Variants in DOCK11 observed in about 807,000 individuals in gnomAD.
DOCK11 encodes the protein dedicator of cytokinesis protein 11.
A neutral mutation model predicts 169.1 loss-of-function variants in DOCK11; 70 were observed. The ratio of observed to expected loss-of-function variants is 0.41; its 90% CI spans 0.34 to 0.51. The LOEUF (loss-of-function observed/expected upper bound fraction) is 0.51. Among genes scored for constraint, DOCK11 ranks in the 20% least tolerant of loss-of-function variants. The pLI is 0.10. For missense variants in DOCK11, 1,166 were observed against 1,538.8 expected, an observed-to-expected ratio of 0.76 and a Z score of 4.05; for synonymous variants, 529 against 541.3, an observed-to-expected ratio of 0.98 and a Z score of 0.32.
intron 10 of DOCK11, among the ~76,000 whole-genome samples, chrX:118,568,414 A>G (rs1603072756): frequency 3.2e-5 from 1 of 31,663 alleles, no homozygotes; most frequent in Non-Finnish European, 5.8e-5. Flanking sequence ...ATATATATAT[A>G]TATATATATA....
intron 40 of DOCK11, among the ~76,000 whole-genome samples, chrX:118,647,803 A>ATAATAATATATAATATATT (rs1326965493): frequency 1.6e-4 from 7 of 44,180 alleles, no homozygotes; most frequent in South Asian, 1.3e-3. Flanking sequence ...TATAATATAT[A>ATAATAATATATAATATATT]ATAATATATA....
rs747351180 is a variant in DOCK11 at position 118,585,100 on chromosome X, T to C, written c.1778T>C (p.Val593Ala). The change falls in exon 16 of 53, where the codon GTT becomes GCT. Residue 593 changes from valine (V) to alanine (A), a missense_variant. Val to Ala is a moderately conservative substitution (Grantham distance 64). Coordinates refer to ENST00000276202, the MANE Select transcript of DOCK11 (RefSeq NM_144658.4). ...CAGCTAAACATCACAGTAGAATGTG[T>C]TCCTGTGGATTTATCAAGTAAGAAC... is the stretch of plus-strand genomic sequence containing the variant. ...PGQLNITVECVPVDLSNCITS... is the reference protein window; with the variant it reads ...PGQLNITVECAPVDLSNCITS... 4.1e-6 allele frequency: 5 copies of C among 1,205,692 alleles called. No individual in the cohort carries two copies. In the East Asian group the frequency reaches 1.5e-4, roughly 36 times the overall value.
At chrX:118,626,887 C>A (rs896959314) in intron 32 of DOCK11, among the ~76,000 whole-genome samples, 1 of 112,461 alleles carries the variant, frequency 8.9e-6, no homozygotes, top group Non-Finnish European at 1.9e-5. Context: ...TGGTCACACA[C>A]CTTCTTCTAG....
intron 6 of DOCK11, among the ~76,000 whole-genome samples, chrX:118,558,164 G>A (rs1156235574): frequency 9.2e-6 from 1 of 109,174 alleles, no homozygotes. Context: ...ATAGAGACAC[G>A]GTTTCACCAT....
Position 118,507,070 on chromosome X carries a change from C to A in DOCK11, c.102+10997C>A, listed in dbSNP as rs1239954650. 5.3e-5 allele frequency among the ~76,000 whole-genome samples: 6 copies of A among 112,388 alleles called. No individual in the cohort carries two copies. In the Admixed American group the frequency reaches 5.7e-4, roughly 11 times the overall value. On this transcript the variant is annotated intron_variant, in intron 1 of 52. Transcript: ENST00000276202. ...TAAATTTGCTATTAATGATTTCCTG[C>A]GATTCTTCTCCACTTTTATTGCCTA...
Position 118,495,985 on chromosome X carries a change from G to C in DOCK11, c.14G>C (p.Arg5Pro), listed in dbSNP as rs758919257. 9.2e-7 allele frequency: 1 copy of C among 1,086,622 alleles called. No homozygotes were observed. Among genetic ancestry groups the C allele is most frequent in the African/African-American group, 1.9e-5 (1 of 51,380 alleles). 89.5% of individuals were successfully genotyped at this position (1,086,622 alleles called of 1,213,427 possible). A position where few individuals can be genotyped will look rare whatever the true frequency, so the allele number is the denominator to read the frequency against. The change falls in exon 1 of 53, where the codon CGC becomes CCC. Residue 5 changes from arginine (R) to proline (P), a missense_variant. Physicochemically the swap from Arg to Pro is moderately radical, Grantham distance 103. Transcript: ENST00000276202. The stretch of plus-strand genomic sequence containing the variant: ...GCCGCCGCTGCCATGGCCGAAGTGC[G>C]CAAATTCACCAAACGGCTCAGCAAG... MAEV[R>P]KFTKRLSKPG...
chrX:118,576,585 A>C (rs750732883), intron 12 of DOCK11, among the ~76,000 whole-genome samples: 1 of 112,103 alleles, frequency 8.9e-6, no homozygotes, highest in Non-Finnish European at 1.9e-5. Context: ...GTGGGGAGGC[A>C]CAAATAAGGT....
chrX:118,528,478 T>C (rs1233425496), intron 1 of DOCK11, among the ~76,000 whole-genome samples: 2 of 111,367 alleles, frequency 1.8e-5, no homozygotes, highest in Non-Finnish European at 3.8e-5. Context: ...ATTGAGAGGA[T>C]AGCATTTTAG....
intron 44 of DOCK11, among the ~76,000 whole-genome samples, chrX:118,660,063 T>G (rs1041311091): frequency 8.9e-6 from 1 of 112,078 alleles, no homozygotes; most frequent in African/African-American, 3.2e-5. Context: ...CCCTCTTCTT[T>G]ACGGCCTGGC....
intron 39 of DOCK11, among the ~76,000 whole-genome samples, chrX:118,641,791 C>A (rs1225748796): frequency 1.8e-5 from 2 of 111,249 alleles, no homozygotes; most frequent in Non-Finnish European, 3.8e-5. Flanking sequence ...AAGCAGTTAT[C>A]TAGCAGGATT....
Position 118,675,771 on chromosome X carries a change from G to T in DOCK11, c.5200-165G>T, listed in dbSNP as rs755334750. ...TTTAAGTTCTACCCTTAGACCTAAA[G>T]TTGTTGAGGACTTTGATTGTTACAA... On this transcript the variant is annotated intron_variant, in intron 46 of 52. Coordinates refer to ENST00000276202, the MANE Select transcript of DOCK11 (RefSeq NM_144658.4). 5.5e-5 allele frequency among the ~76,000 whole-genome samples: 6 copies of T among 109,551 alleles called. No individual in the cohort carries two copies. The East Asian group carries it at 1.7e-3, about 31-fold the overall frequency.
chrX:118,661,650 T>C (rs1162601943), intron 44 of DOCK11, among the ~76,000 whole-genome samples: 2 of 112,074 alleles, frequency 1.8e-5, no homozygotes, highest in African/African-American at 6.5e-5. Flanking sequence ...TTGAAACGTT[T>C]TCAATGGTTA....
At chrX:118,496,095 C>A in intron 1 of DOCK11, 22 bp downstream of exon 1, 1 of 973,775 alleles carries the variant, frequency 1.0e-6, no homozygotes, top group Non-Finnish European at 1.3e-6. Context: ...GGGGACGGGG[C>A]ATCCCGGGGG....
chrX:118,538,346 T>C (rs2147340096), intron 1 of DOCK11, among the ~76,000 whole-genome samples: 1 of 112,189 alleles, frequency 8.9e-6, no homozygotes. Context: ...CTTGTCTACT[T>C]GACAAAGCGT....
chrX:118,674,801 C>T (rs911334058), intron 46 of DOCK11, among the ~76,000 whole-genome samples: 3 of 111,990 alleles, frequency 2.7e-5, no homozygotes, highest in African/African-American at 9.7e-5. Context: ...TTCTAGGATT[C>T]CTATTACTTC....
intron 6 of DOCK11, among the ~76,000 whole-genome samples, chrX:118,547,358 A>G (rs1427678676): frequency 9.0e-6 from 1 of 111,475 alleles, no homozygotes; most frequent in East Asian, 2.8e-4. Flanking sequence ...CCCTTTGGTG[A>G]TCATGTCCTG....
At chrX:118,510,273 G>A (rs1406819149) in intron 1 of DOCK11, among the ~76,000 whole-genome samples, 2 of 112,392 alleles carry the variant, frequency 1.8e-5, no homozygotes, top group Non-Finnish European at 3.8e-5. Context: ...CAGGGATCTG[G>A]CAAACAGCCA....
rs60932296 is a variant in DOCK11 at position 118,531,412 on chromosome X, CAAAAAAAAAAAAAAAAAA to C, written c.103-11291_103-11274del. On this transcript the variant is annotated intron_variant, in intron 1 of 52. Transcript: ENST00000276202. ...TCGGGGCTGCAGTGAGCCATATACT[CAAAAAAAAAAAAAAAAAA>C]AAAAAAAAAAAAAAAAAAAAACAGG... 5.1e-4 allele frequency among the ~76,000 whole-genome samples: 15 copies of C among 29,202 alleles called. No individual in the cohort carries two copies. The South Asian group carries it at 0.018, about 35-fold the overall frequency. The allele number at this position is 29,202 out of a possible 115,157, so 25.4% of individuals were successfully genotyped here.
At chrX:118,589,337 C>G (rs180847509) in intron 18 of DOCK11, among the ~76,000 whole-genome samples, 118 of 111,749 alleles carry the variant, frequency 1.1e-3, no homozygotes, top group Non-Finnish European at 1.6e-3. Flanking sequence ...TTCCTCCATG[C>G]AATATCCTTT....
Sources: gnomAD v4.1 joint callset for allele counts (sites outside exome capture counted in the v4.1 genomes callset) on GRCh38, gnomAD v4.1.1 for gene constraint, MANE v1.5 for transcripts, NCBI Gene and HGNC (gene_info 2026-07-23, HGNC 2026-07-21) for gene names.